The following ADAMTS13 variants were observed in gnomAD, a reference collection of about 807,000 sequenced individuals.
ADAMTS13 encodes ADAM metallopeptidase with thrombospondin type 1 motif 13.
ADAMTS13 carries 110 observed loss-of-function variants against 155.1 expected under a neutral mutation model. The observed-to-expected ratio is 0.71, with a 90% CI of 0.61 to 0.83. The LOEUF is 0.83. Ranked by LOEUF, ADAMTS13 falls within the 40% of genes least tolerant of loss-of-function variation. The pLI is 0.00. For missense variants in ADAMTS13, 1,707 were observed against 1,891.7 expected (o/e 0.90, Z 1.81); for synonymous variants, 758 against 756.4 (o/e 1.00, Z -0.03).
At chr9:133,416,638 A>G (rs925208452) in intron 1 of ADAMTS13, among the ~76,000 whole-genome samples, 1 of 152,192 alleles carries the variant, frequency 6.6e-6, no homozygotes, top group Non-Finnish European at 1.5e-5. Context: ...TGTCTAGGAG[A>G]GAGCAGGCAA....
At position 133,445,570 on chromosome 9, in the gene ADAMTS13, G is replaced by A; in HGVS notation, c.2611-129G>A. 1 of 1,442,994 alleles carries A rather than the reference G, an allele frequency of 6.9e-7. No individual in the cohort carries two copies. Among genetic ancestry groups the A allele is most frequent in the African/African-American group, 1.4e-5 (1 of 71,316 alleles). The allele number at this position is 1,442,994 out of a possible 1,614,324, so 89.4% of individuals were successfully genotyped here. ...GGGAGCCGATCTCGCCAAGGGAGGAGGGGAGGGAGCCCCTGGTGCACACAC... is the reference window on the plus strand; with the variant it reads ...GGGAGCCGATCTCGCCAAGGGAGGAAGGGAGGGAGCCCCTGGTGCACACAC... On this transcript the variant is annotated intron_variant, in intron 20 of 28. Transcript: ENST00000355699. The surrounding 1 kb of genome is among the most constrained non-coding windows in gnomAD (Gnocchi z 5.0).
At position 133,458,974 on chromosome 9, in the gene ADAMTS13, A is replaced by G. The variant is rs372967395; in HGVS notation, c.3910A>G (p.Ile1304Val). 1.7e-5 allele frequency: 28 copies of G among 1,612,728 alleles called. No individual in the cohort carries two copies. Among genetic ancestry groups the G allele is most frequent in the Non-Finnish European group, 1.9e-5 (23 of 1,179,862 alleles). ...TEGANASYIL[I>V]RDTHSLRTTA... ...TTCTGGGCTGCCCCTTTTCTCTCAG[A>G]TCCGGGACACCCACAGCTTGAGGAC... The change falls in exon 29 of 29, where the codon ATC (isoleucine) becomes GTC (valine). Residue 1304 changes from isoleucine to valine, a missense_variant and splice_region_variant. This residue lies in a region of ADAMTS13 where 961 missense variants were observed against 1,107.9 expected (regional missense o/e 0.87). Transcript: ENST00000355699.
rs1554796242 is a variant in ADAMTS13 at position 133,456,909 on chromosome 9, G to A, written c.3724+190G>A. The A allele has an allele frequency of 5.4e-6, 4 of 746,814 alleles. No individual in the cohort carries two copies. The Admixed American group carries it at 8.0e-5, about 15-fold the overall frequency. 46.3% of individuals were successfully genotyped at this position (746,814 alleles called of 1,614,324 possible). ...GCCAGGGAGGGGTCACAGGATGAATGCTATATCCCTCCTTTTTGGGACCGT... is the reference window on the plus strand; with the variant it reads ...GCCAGGGAGGGGTCACAGGATGAATACTATATCCCTCCTTTTTGGGACCGT... On this transcript the variant is annotated intron_variant, in intron 27 of 28. Coordinates refer to ENST00000355699, the MANE Select transcript of ADAMTS13 (RefSeq NM_139027.6). The surrounding 1 kb of genome is among the most constrained non-coding windows in gnomAD (Gnocchi z 4.4).
chr9:133,437,164 A>T (rs1052600411), intron 12 of ADAMTS13, among the ~76,000 whole-genome samples: 1 of 152,104 alleles, frequency 6.6e-6, no homozygotes, highest in Non-Finnish European at 1.5e-5. Flanking sequence ...TCAATTTCCC[A>T]TCTGTGAAAT....
At chr9:133,422,814 C>G (rs36218242) in intron 1 of ADAMTS13, among the ~76,000 whole-genome samples, 3,669 of 151,928 alleles carry the variant, frequency 0.024, 147 homozygotes, top group African/African-American at 0.084. Context: ...TTCTCTGCCT[C>G]TCCCTTCCTC....
Position 133,457,207 on chromosome 9 carries a change from C to T in ADAMTS13, c.3724+488C>T, listed in dbSNP as rs1437033009. ...TGGCCCCCTCGATATCCTCTGATAG[C>T]CCTCTCGGTTGTCCTGGGGGGCTTG... On this transcript the variant is annotated intron_variant, in intron 27 of 28. Coordinates refer to ENST00000355699, the MANE Select transcript of ADAMTS13 (RefSeq NM_139027.6). 3.9e-5 allele frequency among the ~76,000 whole-genome samples: 6 copies of T among 152,224 alleles called. No individual in the cohort carries two copies. The East Asian group carries it at 1.2e-3, about 29-fold the overall frequency.
chr9:133,417,073 C>A (rs1252426049), upstream of ADAMTS13, among the ~76,000 whole-genome samples: 1 of 152,206 alleles, frequency 6.6e-6, no homozygotes, highest in African/African-American at 2.4e-5. Flanking sequence ...TGCAGTGGCG[C>A]GATTTCGGCT....
In ADAMTS13 at chr9:133,455,336, G is replaced by A. The variant is rs781809898; in HGVS notation, c.3301G>A (p.Gly1101Arg). 1.4e-5 allele frequency: 22 copies of A among 1,609,132 alleles called. No homozygotes were observed. Among genetic ancestry groups the A allele is most frequent in the African/African-American group, 6.7e-5 (5 of 74,926 alleles). ...GIQRRRDTCL[G>R]PQAQAPVPAD... is the part of the protein sequence containing the mutation. ...CCAGCGCCGGCGTGACACCTGCCTC[G>A]GACCCCAGGCCCAGGCGCCTGTGCC... is the stretch of plus-strand genomic sequence containing the variant. Residue 1101 changes from glycine to arginine, a missense_variant, in exon 25 of 29, where the codon GGA (glycine) becomes AGA (arginine). Around this residue, in one of 3 missense-constraint regions of ADAMTS13, gnomAD observed 961 missense variants for 1,107.9 expected, o/e 0.87. Transcript: ENST00000355699.
At chr9:133,420,630 A>G (rs587653533), upstream of ADAMTS13, among the ~76,000 whole-genome samples, 1 of 152,330 alleles carries the variant, frequency 6.6e-6, no homozygotes, top group South Asian at 2.1e-4. Context: ...CATAAACAGG[A>G]ACAGATAGCT....
intron 21 of ADAMTS13, among the ~76,000 whole-genome samples, chr9:133,448,008 T>C (rs1842185020): frequency 6.6e-6 from 1 of 151,312 alleles, no homozygotes; most frequent in Admixed American, 6.6e-5. Context: ...TTTTTTTTTT[T>C]GAGATGGAGT....
chr9:133,458,991 C>G lies in ADAMTS13; in HGVS notation c.3927C>G (p.Ser1309Arg). ...TCTCTCAGATCCGGGACACCCACAG[C>G]TTGAGGACCACAGCGTTCCATGGGC... The part of the protein sequence containing the change: ...ASYILIRDTH[S>R]LRTTAFHGQQ... Residue 1309 changes from serine to arginine, a missense_variant, in exon 29 of 29, where the codon AGC (serine) becomes AGG (arginine). Coordinates refer to ENST00000355699, the MANE Select transcript of ADAMTS13 (RefSeq NM_139027.6). The G allele has an allele frequency of 6.2e-7, 1 of 1,613,158 alleles. No individual in the cohort carries two copies. The highest frequency in any genetic ancestry group is 8.5e-7 in the Non-Finnish European group (1 of 1,179,960).
At chr9:133,447,585 T>C (rs1554793033) in intron 21 of ADAMTS13, among the ~76,000 whole-genome samples, 1 of 150,186 alleles carries the variant, frequency 6.7e-6, no homozygotes, top group Non-Finnish European at 1.5e-5. Flanking sequence ...TTTTTTCTTT[T>C]TCTTTTTTTT....
Position 133,440,495 on chromosome 9 carries a change from G to A in ADAMTS13, c.1938G>A (p.Trp646Ter). The A allele has an allele frequency of 6.2e-7, 1 of 1,611,720 alleles. No individual in the cohort carries two copies. Among genetic ancestry groups the A allele is most frequent in the Non-Finnish European group, 8.5e-7 (1 of 1,178,854 alleles). The change falls in exon 16 of 29, where the codon TGG (tryptophan) becomes TGA (stop). Residue 646 changes from tryptophan to a stop codon, truncating the protein, a stop_gained. Transcript: ENST00000355699. LOFTEE classifies it high-confidence loss of function. The surrounding 1 kb of genome is among the most constrained non-coding windows in gnomAD (Gnocchi z 4.3). The stretch of plus-strand genomic sequence containing the variant: ...CCCGCCTGGAGGAGATCCGCATCTG[G>A]GGACCCCTCCAGGAAGATGCTGACA... Reference protein sequence around the residue: ...RLPRLEEIRIWGPLQEDADIQ... With the variant: ...RLPRLEEIRI
In ADAMTS13 at chr9:133,456,683, T is replaced by G. The variant is rs782729077; in HGVS notation, c.3688T>G (p.Tyr1230Asp). The G allele has an allele frequency of 1.3e-6, 2 of 1,587,102 alleles. No homozygotes were observed. Among genetic ancestry groups the G allele is most frequent in the Non-Finnish European group, 1.7e-6 (2 of 1,166,212 alleles). Residue 1230 changes from tyrosine to aspartate, a missense_variant, in exon 27 of 29, where the codon TAT (tyrosine) becomes GAT (aspartate). Physicochemically the swap from Tyr to Asp is radical, Grantham distance 160 (BLOSUM62 -3). This residue lies in a region of ADAMTS13 where 961 missense variants were observed against 1,107.9 expected (regional missense o/e 0.87). Transcript: ENST00000355699. The surrounding 1 kb of genome is among the most constrained non-coding windows in gnomAD (Gnocchi z 4.4). Reference protein sequence around the residue: ...GRPGGGVLLRYGSQLAPETFY... With the variant: ...GRPGGGVLLRDGSQLAPETFY... Reference sequence around the variant, plus strand: ...GCCAGGAGGTGGGGTGCTGCTGCGGTATGGGAGCCAGCTTGCTCCTGAAAC... The same window carrying G: ...GCCAGGAGGTGGGGTGCTGCTGCGGGATGGGAGCCAGCTTGCTCCTGAAAC...
intron 21 of ADAMTS13, among the ~76,000 whole-genome samples, chr9:133,446,253 A>G (rs1031818906): frequency 2.0e-5 from 3 of 152,166 alleles, no homozygotes; most frequent in Admixed American, 6.5e-5. Flanking sequence ...GCACAGTCAC[A>G]TTGTTGTGCG....
chr9:133,433,487 G>T lies in ADAMTS13; in HGVS notation c.1202G>T (p.Gly401Val), dbSNP rs1554788135. 6 of 1,613,402 alleles carry T rather than the reference G, an allele frequency of 3.7e-6. No individual in the cohort carries two copies. ...CGAAGTCCTTGCTCCCGCTCCTGCGGAGGAGGTGTGGTCACCAGGAGGCGG... is the reference window on the plus strand; with the variant it reads ...CGAAGTCCTTGCTCCCGCTCCTGCGTAGGAGGTGTGGTCACCAGGAGGCGG... Reference protein sequence around the residue: ...GPRSPCSRSCGGGVVTRRRQC... With the variant: ...GPRSPCSRSCVGGVVTRRRQC... The change falls in exon 10 of 29, where the codon GGA (glycine) becomes GTA (valine). Residue 401 changes from glycine to valine, a missense_variant. Gly to Val is a moderately radical substitution (Grantham distance 109, BLOSUM62 -3). Transcript: ENST00000355699.
At chr9:133,439,149 G>C (rs1192185450) in intron 14 of ADAMTS13, among the ~76,000 whole-genome samples, 1 of 152,218 alleles carries the variant, frequency 6.6e-6, no homozygotes, top group Admixed American at 6.5e-5. Flanking sequence ...CTGTGCTGGA[G>C]AACCTTGGAC....
intron 11 of ADAMTS13, among the ~76,000 whole-genome samples, chr9:133,435,122 C>A (rs1841080179): frequency 6.6e-6 from 1 of 151,536 alleles, no homozygotes; most frequent in Non-Finnish European, 1.5e-5. Flanking sequence ...GTTTTCAATT[C>A]TTTTGGCAGT....
chr9:133,417,665 T>G, upstream of ADAMTS13: 1 of 1,614,098 alleles, frequency 6.2e-7, no homozygotes, highest in Non-Finnish European at 8.5e-7. Flanking sequence ...CTGGTGCCTT[T>G]GGAGGTCGCA....
Sources: gnomAD v4.1 joint callset for allele counts (sites outside exome capture counted in the v4.1 genomes callset) on GRCh38, gnomAD v4.1.1 for gene constraint, gnomAD v4.1.1 regional missense constraint, Gnocchi (gnomAD v3.1) non-coding constraint, MANE v1.5 for transcripts, NCBI Gene and HGNC (gene_info 2026-07-23, HGNC 2026-07-21) for gene names.